OCA2: variants seen among roughly 807,000 people sequenced by gnomAD.
The protein encoded by OCA2 is OCA2 melanosomal transmembrane protein.
OCA2 carries 77 observed loss-of-function variants against 100.2 expected under a neutral mutation model. That is an observed-to-expected ratio of 0.77 (90% CI 0.64 to 0.93). OCA2 has a LOEUF of 0.93. OCA2 is among the 40% of genes least tolerant of loss of function. The pLI is 0.00. For missense variants in OCA2, 1,062 were observed against 1,089.1 expected (o/e 0.98, Z 0.35); for synonymous variants, 432 against 439.2 (o/e 0.98, Z 0.21).
chr15:27,969,528 A>G (rs2040697839), intron 14 of OCA2, among the ~76,000 whole-genome samples: 1 of 152,210 alleles, frequency 6.6e-6, no homozygotes, highest in Non-Finnish European at 1.5e-5. Flanking sequence ...ATCCACCAGC[A>G]CACTCACATC....
At chr15:27,838,937 G>T (rs1250974780) in intron 23 of OCA2, among the ~76,000 whole-genome samples, 1 of 152,194 alleles carries the variant, frequency 6.6e-6, no homozygotes, top group Admixed American at 6.5e-5. Flanking sequence ...AGGGCCAATG[G>T]TGAGCATCCA....
intron 23 of OCA2, among the ~76,000 whole-genome samples, chr15:27,785,874 G>A (rs2032789341): frequency 6.6e-6 from 1 of 152,042 alleles, no homozygotes; most frequent in African/African-American, 2.4e-5. Context: ...AACAAACTGT[G>A]GTATAAACAT....
intron 23 of OCA2, among the ~76,000 whole-genome samples, chr15:27,827,455 G>A (rs958151198): frequency 3.9e-5 from 6 of 152,116 alleles, no homozygotes; most frequent in Admixed American, 2.0e-4. Context: ...AGTGCCGACG[G>A]AGCTGGGGAG....
At position 28,043,788 on chromosome 15, in the gene OCA2, T is replaced by G. The variant is rs929754152; in HGVS notation, c.228-11625A>C. 4.6e-5 allele frequency among the ~76,000 whole-genome samples: 7 copies of G among 152,180 alleles called. No homozygotes were observed. The highest frequency in any genetic ancestry group is 1.0e-4 in the Non-Finnish European group (7 of 68,018). Reference sequence around the variant, plus strand: ...GTGACTGGGCTGGTTATTGAAGAGATAAATCATTTTTATTGCACAAAGCAC... The same window carrying G: ...GTGACTGGGCTGGTTATTGAAGAGAGAAATCATTTTTATTGCACAAAGCAC... On this transcript the variant is annotated intron_variant, in intron 2 of 23. Coordinates refer to ENST00000354638, the MANE Select transcript of OCA2 (RefSeq NM_000275.3). This position sits in a 1 kb window ranked among gnomAD's most constrained non-coding sequence, Gnocchi z 4.4.
chr15:27,767,745 A>G (rs906793178), intron 23 of OCA2, among the ~76,000 whole-genome samples: 12 of 152,318 alleles, frequency 7.9e-5, no homozygotes, highest in Non-Finnish European at 1.8e-4. Flanking sequence ...AAAATGGACT[A>G]ATCAGCAGGA....
intron 23 of OCA2, among the ~76,000 whole-genome samples, chr15:27,783,106 AT>A (rs1315488555): frequency 2.0e-5 from 3 of 152,226 alleles, no homozygotes; most frequent in African/African-American, 7.2e-5. Context: ...GTGATAATCT[AT>A]GACTATTTCA....
At position 27,871,734 on chromosome 15, in the gene OCA2, G is replaced by A. The variant is rs1487729332; in HGVS notation, c.2139+129C>T. 5.4e-6 allele frequency: 4 copies of A among 735,804 alleles called. No individual in the cohort carries two copies. The East Asian group carries it at 9.8e-5, about 18-fold the overall frequency. 45.6% of individuals were successfully genotyped at this position (735,804 alleles called of 1,614,324 possible). ...TCTCTGGGCTGCACAGGATAGAACA[G>A]GTTCCCTGCTGTGCCTTTTTACATA... is the stretch of plus-strand genomic sequence containing the variant. On this transcript the variant is annotated intron_variant, in intron 20 of 23. Coordinates refer to ENST00000354638, the MANE Select transcript of OCA2 (RefSeq NM_000275.3).
the OCA2 span, among the ~76,000 whole-genome samples, chr15:27,746,933 G>A: frequency 4.6e-5 from 7 of 152,122 alleles, no homozygotes; most frequent in Non-Finnish European, 8.8e-5. Flanking sequence ...CAGACCTCCT[G>A]GCTGTAACAA....
intron 23 of OCA2, among the ~76,000 whole-genome samples, chr15:27,793,205 T>C (rs149106351): frequency 2.9e-3 from 448 of 152,328 alleles, no homozygotes; most frequent in African/African-American, 0.01. Context: ...CTTTTTCCAA[T>C]TGGACCAGAA....
In OCA2 at chr15:27,870,339, G is replaced by T. The variant is rs970059398; in HGVS notation, c.2244+815C>A. On this transcript the variant is annotated intron_variant, in intron 21 of 23. Coordinates refer to ENST00000354638, the MANE Select transcript of OCA2 (RefSeq NM_000275.3). The stretch of plus-strand genomic sequence containing the variant: ...TTCTGGCCTGTGCCCTGCACACCTG[G>T]GACCTCAAGTATTTGTGAGAGGACC... Among the ~76,000 whole-genome samples, 7 of 152,210 alleles carry T rather than the reference G, an allele frequency of 4.6e-5. No homozygotes were observed. The East Asian group carries it at 1.4e-3, about 29-fold the overall frequency.
intron 19 of OCA2, among the ~76,000 whole-genome samples, chr15:27,903,004 G>C (rs981924019): frequency 6.6e-6 from 1 of 152,216 alleles, no homozygotes; most frequent in Non-Finnish European, 1.5e-5. Flanking sequence ...GGGCACCCGG[G>C]TCAGGGAGGC....
the OCA2 span, among the ~76,000 whole-genome samples, chr15:27,741,470 G>A: frequency 3.3e-5 from 5 of 152,166 alleles, no homozygotes; most frequent in Admixed American, 6.5e-5. Context: ...GTGACCCCAC[G>A]GTTGAGCAGA....
intron 2 of OCA2, among the ~76,000 whole-genome samples, chr15:28,064,855 GTT>G (rs35379533): frequency 4.8e-5 from 7 of 144,806 alleles, no homozygotes; most frequent in African/African-American, 9.9e-5. Flanking sequence ...ATGTCTTGGG[GTT>G]TTTTTTTTTA....
Position 27,770,788 on chromosome 15 carries a change from TCCTC to T in OCA2, c.2433-15320_2433-15317del, listed in dbSNP as rs559417420. Reference sequence around the variant, plus strand: ...TCCCTCCCTCCCTTCCATCCTTCCTTCCTCCCTCCCTCTTTTCCTTCCTTCCTCC... The same window carrying T: ...TCCCTCCCTCCCTTCCATCCTTCCTTCCTCCCTCTTTTCCTTCCTTCCTCC... On this transcript the variant is annotated intron_variant, in intron 23 of 23. Transcript: ENST00000354638. 4.2e-3 allele frequency among the ~76,000 whole-genome samples: 246 copies of T among 59,272 alleles called. 5 individuals carry two copies. Among genetic ancestry groups the T allele is most frequent in the African/African-American group, 0.011 (224 of 20,518 alleles). 38.9% of individuals were successfully genotyped at this position (59,272 alleles called of 152,430 possible).
chr15:27,777,710 T>G (rs1285557043), intron 23 of OCA2, among the ~76,000 whole-genome samples: 1 of 152,192 alleles, frequency 6.6e-6, no homozygotes, highest in Non-Finnish European at 1.5e-5. Flanking sequence ...CCCAATGCCT[T>G]GGAGAGTCTG....
intron 14 of OCA2, among the ~76,000 whole-genome samples, chr15:27,970,835 C>T (rs915058548): frequency 9.3e-5 from 14 of 150,612 alleles, no homozygotes; most frequent in Non-Finnish European, 7.4e-5. Context: ...GGTGGGAAAA[C>T]GTGAAAAACG....
the OCA2 span, among the ~76,000 whole-genome samples, chr15:27,728,124 A>G: frequency 1.3e-5 from 2 of 152,206 alleles, no homozygotes; most frequent in South Asian, 4.1e-4. Context: ...AGCCCAAAAT[A>G]TCATCTAAAT....
chr15:27,925,768 T>C (rs1293272352), intron 19 of OCA2, among the ~76,000 whole-genome samples: 1 of 152,200 alleles, frequency 6.6e-6, no homozygotes, highest in Non-Finnish European at 1.5e-5. Context: ...TACTCAAATA[T>C]CACACAAAAT....
At chr15:28,037,063 C>T (rs1034961219) in intron 2 of OCA2, among the ~76,000 whole-genome samples, 1 of 152,052 alleles carries the variant, frequency 6.6e-6, no homozygotes, top group Non-Finnish European at 1.5e-5. Context: ...CTTTCCCAGG[C>T]ACCACTCAGG....
Sources: gnomAD v4.1 joint callset for allele counts (sites outside exome capture counted in the v4.1 genomes callset) on GRCh38, gnomAD v4.1.1 for gene constraint, Gnocchi (gnomAD v3.1) non-coding constraint, MANE v1.5 for transcripts, NCBI Gene and HGNC (gene_info 2026-07-23, HGNC 2026-07-21) for gene names.